SHLD3: variants seen among roughly 807,000 people sequenced by gnomAD.
SHLD3 encodes shieldin complex subunit 3.
In SHLD3, 15 loss-of-function variants were observed where a neutral mutation model predicts 21.4. The observed-to-expected ratio is 0.70, with a 90% CI of 0.47 to 1.08. The LOEUF is 1.08. SHLD3 is among the 50% of genes least tolerant of loss of function. The pLI is 0.00. For missense variants in SHLD3, 273 were observed against 286.1 expected (o/e 0.95, Z 0.33); for synonymous variants, 103 against 97.2 (o/e 1.06, Z -0.35).
intron 1 of SHLD3, among the ~76,000 whole-genome samples, chr5:65,625,723 T>TA (rs1298662935): frequency 6.6e-6 from 1 of 152,214 alleles, no homozygotes; most frequent in Non-Finnish European, 1.5e-5. Context: ...CTTTTTTTTT[T>TA]AGGACAATTT....
Position 65,629,759 on chromosome 5 carries a change from C to T in SHLD3, c.172C>T (p.Pro58Ser). 6.5e-7 allele frequency: 1 copy of T among 1,536,084 alleles called. No homozygotes were observed. Among genetic ancestry groups the T allele is most frequent in the Non-Finnish European group, 8.7e-7 (1 of 1,146,894 alleles). The change falls in exon 2 of 2, where the codon CCT (proline) becomes TCT (serine). Residue 58 changes from proline (P) to serine (S), a missense_variant. Transcript: ENST00000510585. ...KLPLRPKRSPPVISEEAAEDV... is the reference protein window; with the variant it reads ...KLPLRPKRSPSVISEEAAEDV... ...TCCACTCAGACCTAAAAGATCACCA[C>T]CTGTGATTTCTGAAGAGGCAGCTGA...
chr5:65,630,067 T>C lies in SHLD3; in HGVS notation c.480T>C (p.Asn160=). 1 of 1,536,116 alleles carries C rather than the reference T, an allele frequency of 6.5e-7. No homozygotes were observed. The highest frequency in any genetic ancestry group is 8.7e-7 in the Non-Finnish European group (1 of 1,146,890). The change falls in exon 2 of 2, where the codon AAT becomes AAC. Residue 160 remains asparagine, a synonymous_variant. Transcript: ENST00000510585. ...KKLQDSLKAL[N]LHSLYRARWT... ...TGCAAGATAGTTTAAAGGCACTAAATTTACACTCACTTTATAGAGCAAGAT... is the reference window on the plus strand; with the variant it reads ...TGCAAGATAGTTTAAAGGCACTAAACTTACACTCACTTTATAGAGCAAGAT...
chr5:65,630,031 G>A lies in SHLD3; in HGVS notation c.444G>A (p.Leu148=), dbSNP rs1581206230. 3.3e-6 allele frequency: 5 copies of A among 1,535,934 alleles called. No homozygotes were observed. Among genetic ancestry groups the A allele is most frequent in the Non-Finnish European group, 4.4e-6 (5 of 1,146,854 alleles). Residue 148 remains leucine (L), a synonymous_variant, in exon 2 of 2, where the codon TTG becomes TTA. Transcript: ENST00000510585. The part of the protein sequence containing the change: ...SNNCTKNVSP[L]SKKLQDSLKA... ...ATTGTACTAAAAACGTTTCTCCTTT[G>A]TCTAAAAAATTGCAAGATAGTTTAA...
At chr5:65,627,522 C>G (rs1366297528) in intron 1 of SHLD3, among the ~76,000 whole-genome samples, 1 of 151,818 alleles carries the variant, frequency 6.6e-6, no homozygotes, top group Non-Finnish European at 1.5e-5. Flanking sequence ...CCCAGCTACT[C>G]AGGAGGCTGA....
rs1217443189 is a variant in SHLD3, at chr5:65,630,578, T to C, written c.*238T>C. The C allele has an allele frequency of 8.6e-7, 1 of 1,163,824 alleles. No homozygotes were observed. The highest frequency in any genetic ancestry group is 4.2e-5 in the Admixed American group (1 of 23,636). 72.1% of individuals were successfully genotyped at this position (1,163,824 alleles called of 1,614,324 possible). A position where few individuals can be genotyped will look rare whatever the true frequency, so the allele number is the denominator to read the frequency against. On this transcript the variant is annotated 3_prime_UTR_variant, in exon 2 of 2. Transcript: ENST00000510585. ...GTTCTGTTCCTTTTGTTACAAACTG[T>C]GATTGAATTAGTCATGAATTAAGTT... is the stretch of plus-strand genomic sequence containing the variant.
In SHLD3 at chr5:65,630,606, A is replaced by G. The variant is rs934098816; in HGVS notation, c.*266A>G. The G allele has an allele frequency of 4.6e-6, 5 of 1,085,206 alleles. No individual in the cohort carries two copies. Among genetic ancestry groups the G allele is most frequent in the Admixed American group, 4.8e-5 (1 of 21,040 alleles). The allele number at this position is 1,085,206 out of a possible 1,614,324, so 67.2% of individuals were successfully genotyped here. On this transcript the variant is annotated 3_prime_UTR_variant, in exon 2 of 2. Transcript: ENST00000510585. ...TTGAATTAGTCATGAATTAAGTTGTATAGTTTGGATTTTGGTTAATCTCTA... is the reference window on the plus strand; with the variant it reads ...TTGAATTAGTCATGAATTAAGTTGTGTAGTTTGGATTTTGGTTAATCTCTA...
At chr5:65,625,359 C>T (rs1755161275) in intron 1 of SHLD3, 1 of 421,260 alleles carries the variant, frequency 2.4e-6, no homozygotes, top group Non-Finnish European at 4.2e-6. Flanking sequence ...AGATTTTAGC[C>T]GCAGAAGCTG....
intron 1 of SHLD3, among the ~76,000 whole-genome samples, chr5:65,628,118 T>C (rs927608573): frequency 6.6e-6 from 1 of 152,200 alleles, no homozygotes; most frequent in Non-Finnish European, 1.5e-5. Flanking sequence ...CTTGCAGATA[T>C]TGGAAGGCTC....
chr5:65,626,580 C>T (rs1363083658), intron 1 of SHLD3, among the ~76,000 whole-genome samples: 3 of 152,042 alleles, frequency 2.0e-5, no homozygotes, highest in African/African-American at 7.2e-5. Context: ...TATAAAAATA[C>T]AAAAAGTTAG....
Position 65,625,044 on chromosome 5 carries a change from C to T in SHLD3, c.-183C>T. The T allele has an allele frequency of 6.8e-6, 11 of 1,612,654 alleles. No individual in the cohort carries two copies. The highest frequency in any genetic ancestry group is 2.2e-5 in the East Asian group (1 of 44,880). ...TGTCCAGCCCCCGTAGGCTGTGGGT[C>T]AAAAGTGCCGGTCAAAATGGAAGTG... On this transcript the variant is annotated 5_prime_UTR_variant, in exon 1 of 2. Transcript: ENST00000510585.
intron 1 of SHLD3, among the ~76,000 whole-genome samples, chr5:65,627,110 T>G (rs1310721486): frequency 9.4e-6 from 1 of 106,432 alleles, no homozygotes; most frequent in Non-Finnish European, 1.7e-5. Flanking sequence ...CCAGCCTGGG[T>G]GACAGAGTGA....
intron 1 of SHLD3, among the ~76,000 whole-genome samples, chr5:65,627,269 C>T (rs973670074): frequency 1.3e-5 from 2 of 151,144 alleles, no homozygotes; most frequent in Admixed American, 6.6e-5. Context: ...AGTTAATCAA[C>T]AATTTTCACA....
chr5:65,628,860 A>G (rs1333265616), intron 1 of SHLD3, among the ~76,000 whole-genome samples: 2 of 150,682 alleles, frequency 1.3e-5, no homozygotes, highest in Non-Finnish European at 2.9e-5. Flanking sequence ...GTCTTGCTCT[A>G]TCGCCCAGGC....
In SHLD3 at chr5:65,625,101, T is replaced by TA; in HGVS notation, c.-122dup. The TA allele has an allele frequency of 6.2e-7, 1 of 1,613,716 alleles. No individual in the cohort carries two copies. The highest frequency in any genetic ancestry group is 8.5e-7 in the Non-Finnish European group (1 of 1,179,620). The stretch of plus-strand genomic sequence containing the variant: ...CCTAAACAGGAGCACCTGCTGGCGC[T>TA]AAAAGGTAAACTTTTGCGAACCTGA... On this transcript the variant is annotated 5_prime_UTR_variant, in exon 1 of 2. The change abolishes the stop of an existing upstream ORF in the 5' untranslated region. Transcript: ENST00000510585.
chr5:65,630,336 T>G lies in SHLD3; in HGVS notation c.749T>G (p.Met250Arg). ...FVHKYGVIFSM is the reference protein window; with the variant it reads ...FVHKYGVIFSR ...CATAAATATGGTGTTATTTTTAGTA[T>G]GTAATGAATTCCACTGATTGTCAAA... is the stretch of plus-strand genomic sequence containing the variant. The change falls in exon 2 of 2, where the codon ATG (methionine) becomes AGG (arginine). Residue 250 changes from methionine to arginine, a missense_variant. Physicochemically the swap from Met to Arg is moderately conservative, Grantham distance 91. Coordinates refer to ENST00000510585, the MANE Select transcript of SHLD3 (RefSeq NM_001365341.2). 6.7e-7 allele frequency: 1 copy of G among 1,500,196 alleles called. No individual in the cohort carries two copies. The highest frequency in any genetic ancestry group is 8.9e-7 in the Non-Finnish European group (1 of 1,126,068). 92.9% of individuals were successfully genotyped at this position (1,500,196 alleles called of 1,614,324 possible).
At chr5:65,626,999 G>A (rs949871456) in intron 1 of SHLD3, among the ~76,000 whole-genome samples, 2 of 151,634 alleles carry the variant, frequency 1.3e-5, no homozygotes, top group African/African-American at 4.8e-5. Context: ...AATTAGCCAG[G>A]TGTGGTGGTG....
intron 1 of SHLD3, among the ~76,000 whole-genome samples, chr5:65,627,625 C>CAA (rs77913020): frequency 7.5e-5 from 9 of 120,400 alleles, no homozygotes; most frequent in East Asian, 2.3e-4. Flanking sequence ...GACTCTGTCT[C>CAA]AAAAAAAAAA....
At chr5:65,626,016 G>A (rs1413279845) in intron 1 of SHLD3, 1 of 152,196 alleles carries the variant, frequency 6.6e-6, no homozygotes, top group Non-Finnish European at 1.5e-5. Flanking sequence ...AATGATGCCT[G>A]TGTTAGCGAG....
rs1382353493 is a variant in SHLD3, at chr5:65,630,308, G to T, written c.721G>T (p.Val241Leu). 1 of 1,527,758 alleles carries T rather than the reference G, an allele frequency of 6.5e-7. No individual in the cohort carries two copies. The highest frequency in any genetic ancestry group is 2.0e-5 in the Admixed American group (1 of 50,282). 94.6% of individuals were successfully genotyped at this position (1,527,758 alleles called of 1,614,324 possible). ...LALTGKINLF[V>L]HKYGVIFSM ...TCTTACTGGAAAAATTAATTTATTT[G>T]TGCATAAATATGGTGTTATTTTTAG... Residue 241 changes from valine (V) to leucine (L), a missense_variant, in exon 2 of 2, where the codon GTG becomes TTG. Coordinates refer to ENST00000510585, the MANE Select transcript of SHLD3 (RefSeq NM_001365341.2).
Sources: allele counts gnomAD v4.1 joint callset (sites outside exome capture counted in the v4.1 genomes callset), GRCh38; gene constraint gnomAD v4.1.1; transcripts MANE v1.5; gene names NCBI Gene and HGNC (gene_info 2026-07-23, HGNC 2026-07-21).